PCDH15: variants seen among roughly 807,000 people sequenced by gnomAD.
PCDH15 encodes the protein protocadherin-15.
PCDH15 carries 129 observed loss-of-function variants against 178.5 expected under a neutral mutation model. That is an observed-to-expected ratio of 0.72 (90% CI 0.63 to 0.84). The LOEUF is 0.84. Ranked by LOEUF, PCDH15 falls within the 40% of genes least tolerant of loss-of-function variation. PCDH15 has a pLI of 0.00. For synonymous variants in PCDH15, 800 were observed against 732.0 expected, an observed-to-expected ratio of 1.09 and a Z score of -1.50; for missense variants, 2,230 against 2,099.9, an observed-to-expected ratio of 1.06 and a Z score of -1.21.
At chr10:54,313,142 C>T (rs1424181270) in intron 8 of PCDH15, among the ~76,000 whole-genome samples, 1 of 151,988 alleles carries the variant, frequency 6.6e-6, no homozygotes, top group Non-Finnish European at 1.5e-5. Context: ...ATTTATTGAT[C>T]TTCAGTTAAA....
At chr10:54,703,267 TATC>T (rs1464118906) in intron 1 of PCDH15, among the ~76,000 whole-genome samples, 1 of 151,894 alleles carries the variant, frequency 6.6e-6, no homozygotes. Flanking sequence ...CCACCGGAAA[TATC>T]ATACTGAATG....
Position 53,873,189 on chromosome 10 carries a change from C to A in PCDH15, c.3502-6332G>T, listed in dbSNP as rs548000346. 7.9e-5 allele frequency among the ~76,000 whole-genome samples: 12 copies of A among 152,278 alleles called. No individual in the cohort carries two copies. The South Asian group carries it at 2.3e-3, about 29-fold the overall frequency. The stretch of plus-strand genomic sequence containing the variant: ...TTTTATAGAATCACCATCTGTAATT[C>A]CTTACTTTACAATCATGCCTTAACC... On this transcript the variant is annotated intron_variant, in intron 26 of 37. Transcript: ENST00000644397.
At chr10:54,272,167 A>T (rs2058091355) in intron 8 of PCDH15, among the ~76,000 whole-genome samples, 1 of 151,380 alleles carries the variant, frequency 6.6e-6, no homozygotes, top group African/African-American at 2.4e-5. Context: ...TATTTATATG[A>T]ATCATCATTT....
intron 5 of PCDH15, among the ~76,000 whole-genome samples, chr10:54,367,133 T>C (rs1288951391): frequency 2.0e-5 from 3 of 151,990 alleles, no homozygotes; most frequent in Non-Finnish European, 4.4e-5. Flanking sequence ...AAATGAACAG[T>C]GTGAGCAAAG....
rs964800967 is a variant in PCDH15, at chr10:54,747,887, G to C, written c.-29+53038C>G. Among the ~76,000 whole-genome samples, 3 of 148,016 alleles carry C rather than the reference G, an allele frequency of 2.0e-5. No homozygotes were observed. In the Admixed American group the frequency reaches 2.1e-4, roughly 10 times the overall value. ...GTGGCGTGATCTCCGCTCACTGCAA[G>C]CTCCGCCTCCAGGGTTCACGCCATT... On this transcript the variant is annotated intron_variant, in intron 1 of 37. Transcript: ENST00000644397.
At chr10:54,897,916 G>T (rs1954572450) in intron 2 of PCDH15, among the ~76,000 whole-genome samples, 1 of 151,980 alleles carries the variant, frequency 6.6e-6, no homozygotes, top group Admixed American at 6.6e-5. Flanking sequence ...ATTACACCTG[G>T]GTATTAAAAC....
At chr10:54,069,821 T>C (rs2094205501) in intron 17 of PCDH15, among the ~76,000 whole-genome samples, 1 of 152,186 alleles carries the variant, frequency 6.6e-6, no homozygotes, top group African/African-American at 2.4e-5. Flanking sequence ...TGTTCAAGCT[T>C]AAAAATTAGC....
intron 1 of PCDH15, among the ~76,000 whole-genome samples, chr10:54,785,276 A>G (rs908720554): frequency 1.3e-5 from 2 of 152,000 alleles, no homozygotes; most frequent in African/African-American, 4.8e-5. Context: ...GCCTGCCTCA[A>G]CATTTTTTTC....
At chr10:55,577,079 TA>T (rs1842510526) in intron 2 of PCDH15, among the ~76,000 whole-genome samples, 1 of 152,018 alleles carries the variant, frequency 6.6e-6, no homozygotes, top group African/African-American at 2.4e-5. Flanking sequence ...CTGTCTCTGC[TA>T]AAAATACAAA....
intron 1 of PCDH15, among the ~76,000 whole-genome samples, chr10:55,173,165 A>G (rs1839385539): frequency 6.6e-6 from 1 of 151,468 alleles, no homozygotes; most frequent in Non-Finnish European, 1.5e-5. Flanking sequence ...ATTCCTTGCC[A>G]CTTTTTTTTT....
At chr10:54,863,455 T>A (rs560361571) in intron 3 of PCDH15, among the ~76,000 whole-genome samples, 60 of 152,246 alleles carry the variant, frequency 3.9e-4, no homozygotes, top group South Asian at 1.2e-3. Flanking sequence ...GGCAGGAGAA[T>A]GGCGTGAACC....
chr10:55,181,717 T>A (rs1407472335), intron 1 of PCDH15, among the ~76,000 whole-genome samples: 1 of 152,018 alleles, frequency 6.6e-6, no homozygotes, highest in Non-Finnish European at 1.5e-5. Flanking sequence ...CACTTCTATA[T>A]TAAACTAAAA....
At chr10:54,546,189 C>T (rs1450338349) in intron 2 of PCDH15, among the ~76,000 whole-genome samples, 1 of 152,188 alleles carries the variant, frequency 6.6e-6, no homozygotes, top group African/African-American at 2.4e-5. Context: ...TTCTAAGTCA[C>T]TAGACCACAT....
chr10:55,286,591 A>G (rs1842877113), intron 1 of PCDH15, among the ~76,000 whole-genome samples: 2 of 151,828 alleles, frequency 1.3e-5, no homozygotes, highest in Admixed American at 1.3e-4. Context: ...AGGTGCTACA[A>G]ATACAAGGAA....
intron 2 of PCDH15, among the ~76,000 whole-genome samples, chr10:55,035,900 T>C (rs970410199): frequency 2.5e-4 from 38 of 152,138 alleles, no homozygotes; most frequent in African/African-American, 9.2e-4. Flanking sequence ...TATGATTGAA[T>C]AGATATATTA....
chr10:54,348,339 T>G (rs1943642284), intron 5 of PCDH15, among the ~76,000 whole-genome samples: 1 of 152,110 alleles, frequency 6.6e-6, no homozygotes, highest in Admixed American at 6.5e-5. Context: ...GAAGGCAAAC[T>G]TTGGAGAGCT....
intron 1 of PCDH15, among the ~76,000 whole-genome samples, chr10:55,218,863 C>T (rs562575279): frequency 6.6e-6 from 1 of 152,024 alleles, no homozygotes; most frequent in Non-Finnish European, 1.5e-5. Context: ...TCCGGTTCTT[C>T]AATTATAAGA....
chr10:54,904,560 G>A (rs1329978985), intron 2 of PCDH15, among the ~76,000 whole-genome samples: 1 of 151,886 alleles, frequency 6.6e-6, no homozygotes, highest in African/African-American at 2.4e-5. Flanking sequence ...CTACTAAGTT[G>A]CATTTACAAT....
intron 2 of PCDH15, among the ~76,000 whole-genome samples, chr10:55,451,789 T>C (rs1228485416): frequency 6.6e-6 from 1 of 152,176 alleles, no homozygotes; most frequent in Admixed American, 6.5e-5. Context: ...ACAAAGTGTG[T>C]GCATGTACAC....
Sources: gnomAD v4.1 joint callset for allele counts (sites outside exome capture counted in the v4.1 genomes callset) on GRCh38, gnomAD v4.1.1 for gene constraint, MANE v1.5 for transcripts, NCBI Gene and HGNC (gene_info 2026-07-23, HGNC 2026-07-21) for gene names.